FAM186A: variants seen among roughly 807,000 people sequenced by gnomAD.
FAM186A encodes the protein protein FAM186A.
A neutral mutation model predicts 216.8 loss-of-function variants in FAM186A; 163 were observed. The ratio of observed to expected loss-of-function variants is 0.75; its 90% CI spans 0.66 to 0.86. The LOEUF (loss-of-function observed/expected upper bound fraction) is 0.86, where lower values mean the gene tolerates loss of function less well. Ranked by LOEUF, FAM186A falls within the 40% of genes least tolerant of loss-of-function variation. The probability of loss-of-function intolerance (pLI) is 0.00; values close to 1 mark genes in which losing one functional copy is unlikely to be tolerated. For synonymous variants in FAM186A, 805 were observed against 1,025.3 expected (o/e 0.79, Z 4.10); for missense variants, 2,184 against 2,746.2 (o/e 0.80, Z 4.58).
At chr12:50,377,369 A>T (rs1475072481) in intron 1 of FAM186A, among the ~76,000 whole-genome samples, 3 of 152,226 alleles carry the variant, frequency 2.0e-5, no homozygotes, top group Non-Finnish European at 4.4e-5. Flanking sequence ...GTGAAAAACA[A>T]GCTTTTATTC....
At chr12:50,379,077 G>C (rs1393172628) in intron 1 of FAM186A, among the ~76,000 whole-genome samples, 1 of 152,110 alleles carries the variant, frequency 6.6e-6, no homozygotes, top group Non-Finnish European at 1.5e-5. Flanking sequence ...GGCCGAGGCA[G>C]GCAGATCACC....
chr12:50,335,580 G>A (rs1008095644), intron 4 of FAM186A, among the ~76,000 whole-genome samples: 4 of 151,674 alleles, frequency 2.6e-5, no homozygotes, highest in African/African-American at 9.7e-5. Flanking sequence ...AGCAACAGAG[G>A]TTGCAGTGAG....
Position 50,355,027 on chromosome 12 carries a change from T to G in FAM186A, c.1805A>C (p.Lys602Thr). 1 of 1,551,728 alleles carries G rather than the reference T, an allele frequency of 6.4e-7. No homozygotes were observed. The highest frequency in any genetic ancestry group is 1.2e-5 in the South Asian group (1 of 84,062). The change falls in exon 4 of 8, where the codon AAA (lysine) becomes ACA (threonine). Residue 602 changes from lysine (K) to threonine (T), a missense_variant. Lys to Thr is a moderately conservative substitution (Grantham distance 78, BLOSUM62 -1). Coordinates refer to ENST00000327337, the MANE Select transcript of FAM186A (RefSeq NM_001145475.3). ...GTGTTTCTTTCCTTTTATTTTTCCTTTCTGTGGCTCAGCAGTATCATCAAA... is the reference window on the plus strand; with the variant it reads ...GTGTTTCTTTCCTTTTATTTTTCCTGTCTGTGGCTCAGCAGTATCATCAAA... ...IQFDDTAEPQ[K>T]GKIKGKKHHI... is the part of the protein sequence containing the mutation.
intron 7 of FAM186A, among the ~76,000 whole-genome samples, chr12:50,329,564 G>A (rs1189796048): frequency 1.3e-5 from 2 of 149,908 alleles, no homozygotes; most frequent in African/African-American, 4.9e-5. Flanking sequence ...ATTTTATGCT[G>A]TCTGCCACCT....
Position 50,355,989 on chromosome 12 carries a change from A to G in FAM186A, c.843T>C (p.Cys281=), listed in dbSNP as rs1276450121. The part of the protein sequence containing the change: ...ALSMLNDELK[C]VNFQSSTVYA... ...ACACAGTGGAACTTTGGAAGTTAAC[A>G]CATTTTAATTCATCATTTAGCATAC... The change falls in exon 4 of 8, where the codon TGT becomes TGC. Residue 281 remains cysteine (C), a synonymous_variant. Coordinates refer to ENST00000327337, the MANE Select transcript of FAM186A (RefSeq NM_001145475.3). 1 of 1,551,488 alleles carries G rather than the reference A, an allele frequency of 6.4e-7. No homozygotes were observed. Among genetic ancestry groups the G allele is most frequent in the Non-Finnish European group, 8.7e-7 (1 of 1,146,988 alleles).
At chr12:50,366,084 G>A in intron 1 of FAM186A, 1 of 702,950 alleles carries the variant, frequency 1.4e-6, no homozygotes, top group South Asian at 1.5e-5. Flanking sequence ...GAAGATGTAG[G>A]AATAAAGTAA....
chr12:50,390,386 G>C (rs1456143200), intron 1 of FAM186A, among the ~76,000 whole-genome samples: 1 of 152,116 alleles, frequency 6.6e-6, no homozygotes, highest in Non-Finnish European at 1.5e-5. Context: ...CTCAAGTTTG[G>C]GAATTGACTG....
chr12:50,339,649 C>G (rs1297267482), intron 4 of FAM186A, among the ~76,000 whole-genome samples: 1 of 151,936 alleles, frequency 6.6e-6, no homozygotes, highest in African/African-American at 2.4e-5. Context: ...TTAGGATTCT[C>G]TTTTATCTTG....
chr12:50,378,529 C>G (rs1343078074), intron 1 of FAM186A, among the ~76,000 whole-genome samples: 2 of 143,724 alleles, frequency 1.4e-5, no homozygotes, highest in Non-Finnish European at 3.0e-5. Context: ...GACTCCATCT[C>G]AAAATATATA....
At chr12:50,333,595 A>G (rs1273596067) in intron 5 of FAM186A, among the ~76,000 whole-genome samples, 1 of 152,160 alleles carries the variant, frequency 6.6e-6, no homozygotes, top group East Asian at 1.9e-4. Flanking sequence ...GATTGGAATT[A>G]TGTGGCTACA....
In FAM186A at chr12:50,351,700, G is replaced by A; in HGVS notation, c.5132C>T (p.Ser1711Phe). ...SPLTLKQVQW[S>F]HRPFQKSKAS... is the part of the protein sequence containing the mutation. ...CTTCGATTTCTGAAATGGTCTATGGGACCACTGGACTTGCTTAAGGGTGAG... is the reference window on the plus strand; with the variant it reads ...CTTCGATTTCTGAAATGGTCTATGGAACCACTGGACTTGCTTAAGGGTGAG... Residue 1711 changes from serine (S) to phenylalanine (F), a missense_variant, in exon 4 of 8, where the codon TCC (serine) becomes TTC (phenylalanine). Physicochemically the swap from Ser to Phe is radical, Grantham distance 155. Transcript: ENST00000327337. 1.9e-6 allele frequency: 3 copies of A among 1,551,588 alleles called. No homozygotes were observed. Among genetic ancestry groups the A allele is most frequent in the Non-Finnish European group, 2.6e-6 (3 of 1,146,910 alleles).
At chr12:50,373,389 T>TC (rs1013831533) in intron 1 of FAM186A, among the ~76,000 whole-genome samples, 2 of 151,940 alleles carry the variant, frequency 1.3e-5, no homozygotes, top group African/African-American at 4.8e-5. Context: ...AGAGTAAGAC[T>TC]CCATCTCAAA....
chr12:50,381,820 A>G (rs540270611), intron 1 of FAM186A, among the ~76,000 whole-genome samples: 1 of 152,066 alleles, frequency 6.6e-6, no homozygotes, highest in Non-Finnish European at 1.5e-5. Flanking sequence ...ATTAGCCAGC[A>G]TGGTGGCTTG....
chr12:50,328,505 T>TTTTTA (rs1182718542), intron 7 of FAM186A, among the ~76,000 whole-genome samples: 10 of 151,080 alleles, frequency 6.6e-5, no homozygotes, highest in Non-Finnish European at 1.5e-4. Flanking sequence ...TAGGTTTTAT[T>TTTTTA]TTTTATTTTA....
intron 5 of FAM186A, among the ~76,000 whole-genome samples, chr12:50,333,019 C>A (rs1279905729): frequency 2.0e-5 from 3 of 151,486 alleles, no homozygotes; most frequent in African/African-American, 7.3e-5. Context: ...CACAGTGAGA[C>A]CTCATCTCAA....
intron 1 of FAM186A, among the ~76,000 whole-genome samples, chr12:50,391,921 A>G (rs541658526): frequency 4.6e-5 from 7 of 152,332 alleles, no homozygotes; most frequent in African/African-American, 1.7e-4. Flanking sequence ...ACCCAAAACC[A>G]GAAACAGCCC....
chr12:50,344,311 T>C (rs986627161), intron 4 of FAM186A, among the ~76,000 whole-genome samples: 6 of 152,106 alleles, frequency 3.9e-5, no homozygotes, highest in African/African-American at 1.4e-4. Context: ...GTTGTTCCCA[T>C]CTTTATGTCC....
At chr12:50,376,895 C>T (rs926132863) in intron 1 of FAM186A, among the ~76,000 whole-genome samples, 5 of 151,864 alleles carry the variant, frequency 3.3e-5, no homozygotes, top group African/African-American at 1.2e-4. Flanking sequence ...CGAGTGCCAC[C>T]ATGGTCAGCT....
intron 4 of FAM186A, among the ~76,000 whole-genome samples, chr12:50,335,449 G>A (rs1325889711): frequency 6.6e-6 from 1 of 152,042 alleles, no homozygotes; most frequent in African/African-American, 2.4e-5. Flanking sequence ...TTCAAGAGCA[G>A]CCTGGCCAAC....
Sources: gnomAD v4.1 joint callset for allele counts (sites outside exome capture counted in the v4.1 genomes callset) on GRCh38, gnomAD v4.1.1 for gene constraint, MANE v1.5 for transcripts, NCBI Gene and HGNC (gene_info 2026-07-23, HGNC 2026-07-21) for gene names.